The following MAML3 variants were observed in gnomAD, a reference collection of about 807,000 sequenced individuals.
MAML3 encodes mastermind like transcriptional coactivator 3.
A neutral mutation model predicts 101.9 loss-of-function variants in MAML3; 27 were observed. The ratio of observed to expected loss-of-function variants is 0.27; its 90% CI spans 0.20 to 0.37. The LOEUF is 0.37. MAML3 is among the 10% of genes least tolerant of loss of function. The pLI, the probability that MAML3 is intolerant of heterozygous loss-of-function variation, is 1.00. For synonymous variants in MAML3, 501 were observed against 555.9 expected, an observed-to-expected ratio of 0.90 and a Z score of 1.39; for missense variants, 1,316 against 1,444.9, an observed-to-expected ratio of 0.91 and a Z score of 1.45.
intron 1 of MAML3, among the ~76,000 whole-genome samples, chr4:140,098,613 A>G (rs1443748371): frequency 6.6e-6 from 1 of 152,232 alleles, no homozygotes; most frequent in Non-Finnish European, 1.5e-5. Context: ...TACCAATGCC[A>G]AACACCATTA....
At chr4:139,870,704 C>T (rs1731989612) in intron 2 of MAML3, among the ~76,000 whole-genome samples, 1 of 152,042 alleles carries the variant, frequency 6.6e-6, no homozygotes, top group South Asian at 2.1e-4. Context: ...TTCAGTGGCG[C>T]AATCACAGCT....
At chr4:140,021,840 G>A (rs936163317) in intron 1 of MAML3, among the ~76,000 whole-genome samples, 10 of 152,050 alleles carry the variant, frequency 6.6e-5, no homozygotes, top group Non-Finnish European at 1.5e-4. Flanking sequence ...TGCCCCATCA[G>A]GTCCACCCCA....
intron 1 of MAML3, among the ~76,000 whole-genome samples, chr4:139,941,289 T>C (rs1733591400): frequency 6.6e-6 from 1 of 152,252 alleles, no homozygotes; most frequent in East Asian, 1.9e-4. Context: ...ATGTGTTTAA[T>C]CTTGGTTTTC....
chr4:140,092,479 G>A (rs1728076820), intron 1 of MAML3, among the ~76,000 whole-genome samples: 1 of 152,108 alleles, frequency 6.6e-6, no homozygotes, highest in African/African-American at 2.4e-5. Context: ...ATGTGCTATT[G>A]CTCCTTTAAA....
chr4:140,128,816 C>T (rs182660942), intron 1 of MAML3, among the ~76,000 whole-genome samples: 1 of 152,314 alleles, frequency 6.6e-6, no homozygotes, highest in East Asian at 1.9e-4. Context: ...AGAAGCGTCT[C>T]CCTGTCCTTG....
At chr4:140,089,106 G>C (rs1301224945) in intron 1 of MAML3, among the ~76,000 whole-genome samples, 1 of 152,134 alleles carries the variant, frequency 6.6e-6, no homozygotes, top group Non-Finnish European at 1.5e-5. Flanking sequence ...ATAAATGACA[G>C]GCCTTCAGGT....
At chr4:139,925,528 C>A (rs1733205374) in intron 1 of MAML3, among the ~76,000 whole-genome samples, 2 of 151,514 alleles carry the variant, frequency 1.3e-5, no homozygotes, top group Admixed American at 1.3e-4. Context: ...CTGGATCCGG[C>A]CCCAGTCCCT....
At chr4:140,073,297 C>T (rs1020498973) in intron 1 of MAML3, among the ~76,000 whole-genome samples, 1 of 151,978 alleles carries the variant, frequency 6.6e-6, no homozygotes, top group East Asian at 1.9e-4. Flanking sequence ...GCCACCATGC[C>T]CGGCTAATTT....
chr4:139,762,528 G>T (rs1020567342), intron 2 of MAML3, among the ~76,000 whole-genome samples: 26 of 152,062 alleles, frequency 1.7e-4, no homozygotes, highest in African/African-American at 6.3e-4. Flanking sequence ...AAATGATAAC[G>T]GTCCCCAAAG....
intron 2 of MAML3, among the ~76,000 whole-genome samples, chr4:139,856,011 C>T (rs1731655039): frequency 6.6e-6 from 1 of 152,190 alleles, no homozygotes; most frequent in Admixed American, 6.5e-5. Context: ...TCCCTCAGGA[C>T]TCCAGATGGA....
At chr4:140,011,854 C>T (rs1428406594) in intron 1 of MAML3, among the ~76,000 whole-genome samples, 1 of 152,096 alleles carries the variant, frequency 6.6e-6, no homozygotes, top group Non-Finnish European at 1.5e-5. Flanking sequence ...ATTTAATCCA[C>T]TTTAAACATT....
At chr4:139,792,957 A>G (rs1296438222) in intron 2 of MAML3, among the ~76,000 whole-genome samples, 3 of 152,056 alleles carry the variant, frequency 2.0e-5, no homozygotes, top group Non-Finnish European at 4.4e-5. Context: ...CATGTTAGCC[A>G]GGATGGTCTT....
At chr4:139,855,690 C>T (rs1004068175) in intron 2 of MAML3, among the ~76,000 whole-genome samples, 46 of 152,184 alleles carry the variant, frequency 3.0e-4, no homozygotes, top group Non-Finnish European at 1.9e-4. Context: ...ATTATCTCAT[C>T]TTTATCATGG....
intron 2 of MAML3, among the ~76,000 whole-genome samples, chr4:139,796,708 C>A (rs963627613): frequency 9.2e-5 from 14 of 152,236 alleles, no homozygotes; most frequent in African/African-American, 3.4e-4. Flanking sequence ...TATAATGAAC[C>A]ATGAGGTAGA....
chr4:139,972,858 A>G (rs184635930), intron 1 of MAML3, among the ~76,000 whole-genome samples: 236 of 152,338 alleles, frequency 1.5e-3, no homozygotes, highest in Non-Finnish European at 2.5e-3. Context: ...CAAAACAATA[A>G]CAATCATTTA....
chr4:139,768,304 GT>G (rs1385746074), intron 2 of MAML3, among the ~76,000 whole-genome samples: 1 of 146,892 alleles, frequency 6.8e-6, no homozygotes, highest in Non-Finnish European at 1.5e-5. Flanking sequence ...GATAATTTTT[GT>G]TTTTGTTGCA....
chr4:140,023,292 G>A (rs1257431664), intron 1 of MAML3, among the ~76,000 whole-genome samples: 2 of 152,158 alleles, frequency 1.3e-5, no homozygotes, highest in Non-Finnish European at 2.9e-5. Context: ...ATAGCTAGAC[G>A]TTCTGTCCAG....
At chr4:140,095,014 A>G (rs2110988126) in intron 1 of MAML3, among the ~76,000 whole-genome samples, 1 of 152,308 alleles carries the variant, frequency 6.6e-6, no homozygotes, top group East Asian at 1.9e-4. Flanking sequence ...GGACGGATCC[A>G]AGCCCCTGAC....
At chr4:139,984,699 G>A (rs998937106) in intron 1 of MAML3, among the ~76,000 whole-genome samples, 1 of 152,200 alleles carries the variant, frequency 6.6e-6, no homozygotes, top group Non-Finnish European at 1.5e-5. Flanking sequence ...CCAGCATGCT[G>A]AAAACTCAGG....
Sources: allele counts gnomAD v4.1 joint callset (sites outside exome capture counted in the v4.1 genomes callset), GRCh38; gene constraint gnomAD v4.1.1; transcripts MANE v1.5; gene names NCBI Gene and HGNC (gene_info 2026-07-23, HGNC 2026-07-21).